Variants in FARP1 observed in about 807,000 individuals in gnomAD.
The protein encoded by FARP1 is FERM, ARH/RhoGEF and pleckstrin domain protein 1, also known as FERM, ARHGEF and pleckstrin domain-containing protein 1.
FARP1 carries 52 observed loss-of-function variants against 128.8 expected under a neutral mutation model. That is an observed-to-expected ratio of 0.40 (90% CI 0.32 to 0.51). FARP1 has a LOEUF of 0.51. Ranked by LOEUF, FARP1 falls within the 20% of genes least tolerant of loss-of-function variation. The pLI is 0.45. For missense variants in FARP1, 1,333 were observed against 1,367.9 expected (o/e 0.97, Z 0.40); for synonymous variants, 580 against 551.8 (o/e 1.05, Z -0.72).
At chr13:98,227,458 AAAAAAAACAG>A in intron 2 of FARP1, among the ~76,000 whole-genome samples, 1 of 152,158 alleles carries the variant, frequency 6.6e-6, no homozygotes, top group African/African-American at 2.4e-5. Flanking sequence ...TATTAAAAAA[AAAAAAAACAG>A]AAAAAAACGA....
At chr13:98,440,323 G>A in intron 23 of FARP1, 88 bp downstream of exon 23, 1 of 937,518 alleles carries the variant, frequency 1.1e-6, no homozygotes, top group Non-Finnish European at 1.8e-6. Context: ...CCATCGGGTA[G>A]GCCTCACATC....
At chr13:98,150,013 A>G (rs188253472) in intron 1 of FARP1, among the ~76,000 whole-genome samples, 20 of 151,936 alleles carry the variant, frequency 1.3e-4, no homozygotes, top group African/African-American at 4.8e-4. Flanking sequence ...CTGGGATTAC[A>G]GTCTTGAGCC....
intron 2 of FARP1, among the ~76,000 whole-genome samples, chr13:98,313,124 A>ACG: frequency 6.6e-6 from 1 of 151,330 alleles, no homozygotes; most frequent in South Asian, 2.1e-4. Context: ...ACACACACAC[A>ACG]CACACACACA....
chr13:98,169,382 C>T (rs1453222578), intron 1 of FARP1, among the ~76,000 whole-genome samples: 1 of 152,216 alleles, frequency 6.6e-6, no homozygotes, highest in Non-Finnish European at 1.5e-5. Context: ...ACACCCGTAG[C>T]TTTCTCAGAA....
Position 98,450,042 on chromosome 13 carries a change from A to ATTGAT in FARP1, c.*1727_*1731dup, listed in dbSNP as rs1247484864. On this transcript the variant is annotated 3_prime_UTR_variant, in exon 27 of 27. Transcript: ENST00000319562. Reference sequence around the variant, plus strand: ...CTCCTCAGCTATTTATTTCTGAATGATTGATTGATTCCAAACTACTTGCTG... The same window carrying ATTGAT: ...CTCCTCAGCTATTTATTTCTGAATGATTGATTTGATTGATTCCAAACTACTTGCTG... 5 of 83,538 alleles carry ATTGAT rather than the reference A, an allele frequency of 6.0e-5. No homozygotes were observed. Among genetic ancestry groups the ATTGAT allele is most frequent in the Non-Finnish European group, 9.0e-5 (3 of 33,500 alleles). 5.2% of individuals were successfully genotyped at this position (83,538 alleles called of 1,614,324 possible).
intron 2 of FARP1, among the ~76,000 whole-genome samples, chr13:98,290,054 CTTTT>C (rs57453120): frequency 5.1e-5 from 7 of 136,220 alleles, no homozygotes; most frequent in Admixed American, 1.5e-4. Context: ...GGAGATTTAT[CTTTT>C]TTTTTTTTTT....
intron 1 of FARP1, among the ~76,000 whole-genome samples, chr13:98,155,308 G>T (rs1230885399): frequency 1.5e-5 from 2 of 136,480 alleles, no homozygotes; most frequent in Non-Finnish European, 3.0e-5. Context: ...TCGCACCATC[G>T]TACTCCAGCC....
At position 98,240,573 on chromosome 13, in the gene FARP1, G is replaced by A. The variant is rs138536439; in HGVS notation, c.171+27160G>A. 1.2e-3 allele frequency among the ~76,000 whole-genome samples: 181 copies of A among 152,326 alleles called. 1 individual carries two copies. The highest frequency in any genetic ancestry group is 4.1e-3 in the African/African-American group (171 of 41,564). ...GATACTTTGTTGGTGGATGGTCTGG[G>A]GCTTTGGGTAGAAAAAGAAAACATT... is the stretch of plus-strand genomic sequence containing the variant. On this transcript the variant is annotated intron_variant, in intron 2 of 26. Coordinates refer to ENST00000319562, the MANE Select transcript of FARP1 (RefSeq NM_005766.4).
At chr13:98,410,499 C>T (rs1891150425) in intron 14 of FARP1, among the ~76,000 whole-genome samples, 1 of 152,184 alleles carries the variant, frequency 6.6e-6, no homozygotes, top group Non-Finnish European at 1.5e-5. Context: ...ATTATCTTAG[C>T]CTAGCTCCTC....
At chr13:98,380,121 A>G (rs760744408) in intron 6 of FARP1, among the ~76,000 whole-genome samples, 3 of 152,086 alleles carry the variant, frequency 2.0e-5, no homozygotes, top group Non-Finnish European at 4.4e-5. Flanking sequence ...CTTTCCTCCT[A>G]TGTTTTTTTC....
chr13:98,167,306 T>C (rs1412768765), intron 1 of FARP1, among the ~76,000 whole-genome samples: 1 of 152,182 alleles, frequency 6.6e-6, no homozygotes, highest in Non-Finnish European at 1.5e-5. Flanking sequence ...TACTTTTTCC[T>C]AGTTTGCTTT....
intron 2 of FARP1, chr13:98,233,783 A>G (rs1369393486): frequency 2.0e-5 from 3 of 152,196 alleles, no homozygotes; most frequent in Admixed American, 6.5e-5. Context: ...TTTATGACCC[A>G]TGCTAACTGA....
chr13:98,219,250 G>A (rs1881275102), intron 2 of FARP1, among the ~76,000 whole-genome samples: 1 of 152,156 alleles, frequency 6.6e-6, no homozygotes, highest in Admixed American at 6.5e-5. Flanking sequence ...CCTCTTTGTG[G>A]CCCTGCAGTT....
intron 2 of FARP1, among the ~76,000 whole-genome samples, chr13:98,290,978 C>T (rs1170045243): frequency 6.6e-6 from 1 of 152,154 alleles, no homozygotes; most frequent in Non-Finnish European, 1.5e-5. Context: ...GGATGCACAT[C>T]TCTGATTATA....
At chr13:98,182,416 C>A (rs902405241) in intron 1 of FARP1, among the ~76,000 whole-genome samples, 2 of 152,162 alleles carry the variant, frequency 1.3e-5, no homozygotes, top group Non-Finnish European at 2.9e-5. Flanking sequence ...GCCTCACCCT[C>A]CTGGACTCAA....
At chr13:98,421,089 C>T (rs141872262) in intron 16 of FARP1, among the ~76,000 whole-genome samples, 19 of 152,300 alleles carry the variant, frequency 1.2e-4, no homozygotes, top group African/African-American at 4.6e-4. Flanking sequence ...CTCACCACAT[C>T]GCGTAGAGCT....
At chr13:98,343,179 G>A (rs187066195) in intron 2 of FARP1, among the ~76,000 whole-genome samples, 144 of 152,238 alleles carry the variant, frequency 9.5e-4, no homozygotes, top group Non-Finnish European at 3.8e-4. Flanking sequence ...ATCAGTGTTC[G>A]CCAGGGATTA....
intron 14 of FARP1, 27 bp downstream of exon 14, chr13:98,409,552 G>C: frequency 6.5e-7 from 1 of 1,549,782 alleles, no homozygotes. Flanking sequence ...TCAAGCGCGT[G>C]TGTGGCTGTG....
chr13:98,268,320 G>A (rs574372282), intron 2 of FARP1, among the ~76,000 whole-genome samples: 24 of 152,224 alleles, frequency 1.6e-4, no homozygotes, highest in African/African-American at 5.1e-4. Flanking sequence ...AAAGGTTGCC[G>A]TTGCCTGGAA....
Sources: allele counts gnomAD v4.1 joint callset (sites outside exome capture counted in the v4.1 genomes callset), GRCh38; gene constraint gnomAD v4.1.1; transcripts MANE v1.5; gene names NCBI Gene and HGNC (gene_info 2026-07-23, HGNC 2026-07-21).